SAMD9: variants seen among roughly 807,000 people sequenced by gnomAD.
SAMD9 encodes sterile alpha motif domain-containing protein 9.
Under a neutral mutation model 1.5 loss-of-function variants are expected in SAMD9, and 3 were observed. The ratio of observed to expected loss-of-function variants is 2.05; its 90% confidence interval spans 0.93 to 5.29. The LOEUF is 5.29. Ranked by LOEUF, SAMD9 falls within the 30% of genes most tolerant of loss-of-function variation. The pLI, the probability that SAMD9 is intolerant of heterozygous loss-of-function variation, is 0.02. For synonymous variants in SAMD9, 635 were observed against 631.9 expected, an observed-to-expected ratio of 1.00 and a Z score of -0.07; for missense variants, 1,597 against 1,820.8, an observed-to-expected ratio of 0.88 and a Z score of 2.24.
intron 1 of SAMD9, among the ~76,000 whole-genome samples, chr7:93,116,562 T>C (rs1791836025): frequency 6.6e-6 from 1 of 152,348 alleles, no homozygotes; most frequent in East Asian, 1.9e-4. Context: ...AGAAAATATA[T>C]GCCAGCATTC....
rs1333123884 is a variant in SAMD9, at chr7:93,101,359, C to T, written c.4739G>A (p.Gly1580Asp). ...AATTTCAATGTCATAAGCAAGTGGG[C>T]CTCCAATGGAAAATCCCAGGTAAAA... ...VSFYLGFSIG[G>D]PLAYDIEIV The change falls in exon 3 of 3, where the codon GGC becomes GAC. Residue 1580 changes from glycine (G) to aspartate (D), a missense_variant. By Grantham distance (94) the Gly-to-Asp change is moderately conservative. Transcript: ENST00000379958. 3 of 1,612,930 alleles carry T rather than the reference C, an allele frequency of 1.9e-6. No homozygotes were observed. Among genetic ancestry groups the T allele is most frequent in the Non-Finnish European group, 2.5e-6 (3 of 1,179,596 alleles).
In SAMD9 at chr7:93,100,337, C is replaced by G. The variant is rs1008778951; in HGVS notation, c.*991G>C. 1 of 152,070 alleles carries G rather than the reference C, an allele frequency of 6.6e-6. No individual in the cohort carries two copies. The highest frequency in any genetic ancestry group is 1.5e-5 in the Non-Finnish European group (1 of 67,986). The allele number at this position is 152,070 out of a possible 1,614,324, so 9.4% of individuals were successfully genotyped here. On this transcript the variant is annotated 3_prime_UTR_variant, in exon 3 of 3. Transcript: ENST00000379958. ...TGATGTGTGCACTCCTATAGTACTT[C>G]CAGGCCCATAATGTCTGGTCTTCCT...
rs543127014 is a variant in SAMD9 at position 93,103,976 on chromosome 7, T to G, written c.2122A>C (p.Arg708=). 7 of 1,613,690 alleles carry G rather than the reference T, an allele frequency of 4.3e-6. No individual in the cohort carries two copies. Among genetic ancestry groups the G allele is most frequent in the African/African-American group, 4.0e-5 (3 of 74,992 alleles). Residue 708 remains arginine, a synonymous_variant, in exon 3 of 3, where the codon AGG becomes CGG. Coordinates refer to ENST00000379958, the MANE Select transcript of SAMD9 (RefSeq NM_017654.4). ...GCTTCAAGTCTTTCATATTTATCCC[T>G]TTTGACAAAAGGTGAAGAATAACTT... ...SESYSSPFVK[R]DKYERLEAMI...
In SAMD9 at chr7:93,101,967, A is replaced by G. The variant is rs1002749282; in HGVS notation, c.4131T>C (p.Thr1377=). Reference sequence around the variant, plus strand: ...GCTTTTCTTTTGACTGGATTTTGACAGTGCATTGTTCTAAGAGAAAAGTAT... The same window carrying G: ...GCTTTTCTTTTGACTGGATTTTGACGGTGCATTGTTCTAAGAGAAAAGTAT... ...NEYTFLLEQC[T]VKIQSKEKLN... is the part of the protein sequence containing the mutation. Residue 1377 remains threonine (T), a synonymous_variant, in exon 3 of 3, where the codon ACT becomes ACC. Coordinates refer to ENST00000379958, the MANE Select transcript of SAMD9 (RefSeq NM_017654.4). 2 of 1,613,842 alleles carry G rather than the reference A, an allele frequency of 1.2e-6. No homozygotes were observed. Among genetic ancestry groups the G allele is most frequent in the African/African-American group, 1.3e-5 (1 of 75,046 alleles).
rs754410315 is a variant in SAMD9 at position 93,101,309 on chromosome 7, G to T, written c.*19C>A. On this transcript the variant is annotated 3_prime_UTR_variant, in exon 3 of 3. Coordinates refer to ENST00000379958, the MANE Select transcript of SAMD9 (RefSeq NM_017654.4). ...AATGGGTACTGAGATCAAATTCTTG[G>T]AGGAAGAATATCAGGCTCTTAAACA... The T allele has an allele frequency of 1.9e-6, 3 of 1,595,074 alleles. No individual in the cohort carries two copies. Among genetic ancestry groups the T allele is most frequent in the Non-Finnish European group, 1.7e-6 (2 of 1,167,894 alleles).
intron 2 of SAMD9, among the ~76,000 whole-genome samples, chr7:93,106,729 A>G (rs2116425095): frequency 6.6e-6 from 1 of 152,342 alleles, no homozygotes; most frequent in South Asian, 2.1e-4. Flanking sequence ...TTGAAGAAAC[A>G]TCAGTAAAAT....
intron 2 of SAMD9, among the ~76,000 whole-genome samples, chr7:93,111,135 AC>A (rs1791735696): frequency 6.6e-6 from 1 of 152,140 alleles, no homozygotes; most frequent in African/African-American, 2.4e-5. Flanking sequence ...TCAAACTAGA[AC>A]TCAGGATTAA....
chr7:93,112,716 G>C (rs981821250), intron 2 of SAMD9, among the ~76,000 whole-genome samples: 5 of 152,084 alleles, frequency 3.3e-5, no homozygotes, highest in Non-Finnish European at 7.4e-5. Context: ...GCTTCAAAGA[G>C]AATAAAATAC....
Position 93,103,293 on chromosome 7 carries a change from T to C in SAMD9, c.2805A>G (p.Leu935=). ...TTCCTAAGAATTTTTCACACTGTGA[T>C]AGTGAAATGGTGGTATCAGGCACAT... ...NSYVPDTTIS[L]SQCEKFLGIG... Residue 935 remains leucine (L), a synonymous_variant, in exon 3 of 3, where the codon CTA becomes CTG. Coordinates refer to ENST00000379958, the MANE Select transcript of SAMD9 (RefSeq NM_017654.4). The C allele has an allele frequency of 1.2e-6, 2 of 1,613,710 alleles. No homozygotes were observed. Among genetic ancestry groups the C allele is most frequent in the Non-Finnish European group, 1.7e-6 (2 of 1,179,744 alleles).
chr7:93,101,616 G>T lies in SAMD9; in HGVS notation c.4482C>A (p.His1494Gln), dbSNP rs1171170751. 2 of 1,613,796 alleles carry T rather than the reference G, an allele frequency of 1.2e-6. No homozygotes were observed. Residue 1494 changes from histidine to glutamine, a missense_variant, in exon 3 of 3, where the codon CAC becomes CAA. Coordinates refer to ENST00000379958, the MANE Select transcript of SAMD9 (RefSeq NM_017654.4). ...GKGKRLERLV[H>Q]KGKIDQCFKK... is the part of the protein sequence containing the mutation. ...TAAAGCACTGGTCAATTTTTCCTTT[G>T]TGAACAAGTCTTTCCAGTCTTTTAC...
Position 93,117,110 on chromosome 7 carries a change from A to G in SAMD9, c.-110+753T>C, listed in dbSNP as rs920536573. 3.9e-5 allele frequency among the ~76,000 whole-genome samples: 6 copies of G among 152,270 alleles called. No homozygotes were observed. The South Asian group carries it at 1.2e-3, about 32-fold the overall frequency. On this transcript the variant is annotated intron_variant, in intron 1 of 2. Coordinates refer to ENST00000379958, the MANE Select transcript of SAMD9 (RefSeq NM_017654.4). ...TATCTGTCTGTCTGTCTTCCTATGT[A>G]TGTCATCCGACAACAATATCTGAGA...
Position 93,102,534 on chromosome 7 carries a change from C to G in SAMD9, c.3564G>C (p.Arg1188=). The part of the protein sequence containing the change: ...KERLYPKSKR[R]YDTYNIAGYQ... The stretch of plus-strand genomic sequence containing the variant: ...AACCAGCTATATTGTAAGTATCATA[C>G]CGCCTTTTTGACTTCGGATACAATC... The change falls in exon 3 of 3, where the codon CGG becomes CGC. Residue 1188 remains arginine (R), a synonymous_variant. Transcript: ENST00000379958. 1 of 1,613,666 alleles carries G rather than the reference C, an allele frequency of 6.2e-7. No homozygotes were observed. The highest frequency in any genetic ancestry group is 1.1e-5 in the South Asian group (1 of 91,068).
rs760043679 is a variant in SAMD9, at chr7:93,103,980, G to A, written c.2118C>T (p.Val706=). 5 of 1,613,472 alleles carry A rather than the reference G, an allele frequency of 3.1e-6. No individual in the cohort carries two copies. Among genetic ancestry groups the A allele is most frequent in the Non-Finnish European group, 3.4e-6 (4 of 1,179,698 alleles). ...CAAGTCTTTCATATTTATCCCTTTT[G>A]ACAAAAGGTGAAGAATAACTTTCAG... ...FSSESYSSPF[V]KRDKYERLEA... The change falls in exon 3 of 3, where the codon GTC becomes GTT. Residue 706 remains valine, a synonymous_variant. Coordinates refer to ENST00000379958, the MANE Select transcript of SAMD9 (RefSeq NM_017654.4).
rs548302669 is a variant in SAMD9, at chr7:93,111,747, GACTAAATCAGGAA to G, written c.-9+3035_-9+3047del. ...TTCCTCGACACATACACCCTCCCAAGACTAAATCAGGAAGAAGTTGAATCCCTGAATAGACCAA... is the reference window on the plus strand; with the variant it reads ...TTCCTCGACACATACACCCTCCCAAGGAAGTTGAATCCCTGAATAGACCAA... On this transcript the variant is annotated intron_variant, in intron 2 of 2. Transcript: ENST00000379958. 2.2e-4 allele frequency among the ~76,000 whole-genome samples: 34 copies of G among 152,248 alleles called. No individual in the cohort carries two copies. The South Asian group carries it at 7.1e-3, about 32-fold the overall frequency.
intron 1 of SAMD9, among the ~76,000 whole-genome samples, chr7:93,116,635 G>A (rs1033594150): frequency 2.6e-5 from 4 of 151,912 alleles, no homozygotes; most frequent in African/African-American, 4.8e-5. Flanking sequence ...ATACCCTCTC[G>A]TTCCAAAATG....
chr7:93,110,329 T>G (rs4478506), intron 2 of SAMD9, among the ~76,000 whole-genome samples: 1 of 151,930 alleles, frequency 6.6e-6, no homozygotes, highest in African/African-American at 2.4e-5. Flanking sequence ...GAAAGGAAAA[T>G]CCGGTACCAG....
rs774385882 is a variant in SAMD9 at position 93,102,684 on chromosome 7, G to A, written c.3414C>T (p.Asn1138=). 47 of 1,613,624 alleles carry A rather than the reference G, an allele frequency of 2.9e-5. No homozygotes were observed. Among genetic ancestry groups the A allele is most frequent in the African/African-American group, 6.7e-5 (5 of 74,860 alleles). Residue 1138 remains asparagine (N), a synonymous_variant, in exon 3 of 3, where the codon AAC becomes AAT. Transcript: ENST00000379958. ...CAACTGAAATGTTCCCGTTTCCTCC[G>A]TTTTCCTCTATCCACCATCTTATTT... ...KSKIRWWIEE[N]GGNGNISVDD...
At position 93,101,556 on chromosome 7, in the gene SAMD9, AC is replaced by A; in HGVS notation, c.4541del (p.Ser1514MetfsTer28). The A allele has an allele frequency of 6.2e-7, 1 of 1,613,692 alleles. No individual in the cohort carries two copies. Among genetic ancestry groups the A allele is most frequent in the Non-Finnish European group, 8.5e-7 (1 of 1,179,748 alleles). ...CTTTTTCCTCCTTCCACACATCTCC[AC>A]TCTGCCACAAGGAATTAATATCTGG... is the stretch of plus-strand genomic sequence containing the variant. ...KTPDINSLWQ[S>X]GDVWKEEKVQ... On this transcript the variant is annotated frameshift_variant, in exon 3 of 3. Coordinates refer to ENST00000379958, the MANE Select transcript of SAMD9 (RefSeq NM_017654.4). LOFTEE classifies it low-confidence loss of function (END_TRUNC).
rs1239530122 is a variant in SAMD9, at chr7:93,103,284, A to G, written c.2814T>C (p.Cys938=). 2.5e-6 allele frequency: 4 copies of G among 1,613,588 alleles called. No individual in the cohort carries two copies. Among genetic ancestry groups the G allele is most frequent in the Non-Finnish European group, 3.4e-6 (4 of 1,179,760 alleles). Residue 938 remains cysteine, a synonymous_variant, in exon 3 of 3, where the codon TGT becomes TGC. Transcript: ENST00000379958. Reference sequence around the variant, plus strand: ...TGTTTCCAATTCCTAAGAATTTTTCACACTGTGATAGTGAAATGGTGGTAT... The same window carrying G: ...TGTTTCCAATTCCTAAGAATTTTTCGCACTGTGATAGTGAAATGGTGGTAT... ...VPDTTISLSQ[C]EKFLGIGNKK...
Sources: gnomAD v4.1 joint callset for allele counts (sites outside exome capture counted in the v4.1 genomes callset) on GRCh38, gnomAD v4.1.1 for gene constraint, MANE v1.5 for transcripts, NCBI Gene and HGNC (gene_info 2026-07-23, HGNC 2026-07-21) for gene names.